Variants in HOMER3 observed in about 807,000 individuals in gnomAD.
The protein encoded by HOMER3 is homer scaffold protein 3, also known as homer protein homolog 3.
In HOMER3, 34 loss-of-function variants were observed where a neutral mutation model predicts 45.5. The ratio of observed to expected loss-of-function variants is 0.75; its 90% confidence interval spans 0.57 to 1.00. HOMER3 has a LOEUF of 1.00. HOMER3 is among the 50% of genes least tolerant of loss of function. The pLI, the probability that HOMER3 is intolerant of heterozygous loss-of-function variation, is 0.00. For synonymous variants in HOMER3, 223 were observed against 208.8 expected (o/e 1.07, Z -0.58); for missense variants, 480 against 497.5 (o/e 0.96, Z 0.33).
chr19:18,936,798 G>A (rs1000208428), intron 4 of HOMER3, among the ~76,000 whole-genome samples: 3 of 151,946 alleles, frequency 2.0e-5, no homozygotes, highest in African/African-American at 7.3e-5. Context: ...GACCATCCTG[G>A]CTAACACGGT....
chr19:18,938,857 C>T lies in HOMER3; in HGVS notation c.42G>A (p.Ala14=), dbSNP rs569415353. ...AREQPIFSTR[A]HVFQIDPATK... Reference sequence around the variant, plus strand: ...TGGCTGGGTCAATTTGGAACACGTGCGCCCGTGTGCTGAAGATTGGCTGCT... The same window carrying T: ...TGGCTGGGTCAATTTGGAACACGTGTGCCCGTGTGCTGAAGATTGGCTGCT... Residue 14 remains alanine (A), a synonymous_variant, in exon 3 of 10, where the codon GCG becomes GCA. Transcript: ENST00000392351. 27 of 1,602,534 alleles carry T rather than the reference C, an allele frequency of 1.7e-5. No homozygotes were observed. Among genetic ancestry groups the T allele is most frequent in the Middle Eastern group, 1.7e-4 (1 of 6,046 alleles).
At position 18,932,268 on chromosome 19, in the gene HOMER3, G is replaced by C. The variant is rs1170819581; in HGVS notation, c.534-136C>G. 6 of 892,194 alleles carry C rather than the reference G, an allele frequency of 6.7e-6. No homozygotes were observed. The Admixed American group carries it at 1.1e-4, about 16-fold the overall frequency. The allele number at this position is 892,194 out of a possible 1,614,324, so 55.3% of individuals were successfully genotyped here. ...GGGCGAAGGCTGGCGAGGGTGCGGAGTCGTGCGCGAAGTTGGACTAGGGGG... is the reference window on the plus strand; with the variant it reads ...GGGCGAAGGCTGGCGAGGGTGCGGACTCGTGCGCGAAGTTGGACTAGGGGG... On this transcript the variant is annotated intron_variant, in intron 6 of 9. Coordinates refer to ENST00000392351, the MANE Select transcript of HOMER3 (RefSeq NM_004838.4).
chr19:18,932,061 G>A lies in HOMER3; in HGVS notation c.605C>T (p.Ala202Val). ...TGCGGCGGCGTTGGCCTCTCGCAGG[G>A]CGCCTGCCAGCTTGTTGTTGCTGTC... The part of the protein sequence containing the change: ...LQDSNNKLAG[A>V]LREANAAAAQ... The change falls in exon 7 of 10, where the codon GCC becomes GTC. Residue 202 changes from alanine (A) to valine (V), a missense_variant. By Grantham distance (64) the Ala-to-Val change is moderately conservative. Transcript: ENST00000392351. The A allele has an allele frequency of 1.3e-6, 2 of 1,560,288 alleles. No individual in the cohort carries two copies. The highest frequency in any genetic ancestry group is 1.7e-6 in the Non-Finnish European group (2 of 1,154,284).
At chr19:18,932,886 C>CCCCCCCCCCCCCCCCCCCCCCCCAAAA in intron 6 of HOMER3, 38 bp downstream of exon 6, 1 of 363,766 alleles carries the variant, frequency 2.7e-6, no homozygotes, top group Non-Finnish European at 5.0e-6. Context: ...CCCACCCCTA[C>CCCCCCCCCCCCCCCCCCCCCCCCAAAA]CCCCGCCCCT....
chr19:18,933,043 CACCTAGGCACGGG>C lies in HOMER3; in HGVS notation c.412-11_413del. 6.7e-7 allele frequency: 1 copy of C among 1,489,096 alleles called. No homozygotes were observed. The highest frequency in any genetic ancestry group is 8.9e-7 in the Non-Finnish European group (1 of 1,124,184). The allele number at this position is 1,489,096 out of a possible 1,614,324, so 92.2% of individuals were successfully genotyped here. ...TGGCACTGACGAGAGGGCTCGGGGG[CACCTAGGCACGGG>C]GAAAAGAATAGGTCACGACCCCACA... On this transcript the variant is annotated splice_acceptor_variant and splice_polypyrimidine_tract_variant and coding_sequence_variant and intron_variant, in exon 6 of 10. Transcript: ENST00000392351. LOFTEE classifies it high-confidence loss of function.
At position 18,931,603 on chromosome 19, in the gene HOMER3, GC is replaced by G. The variant is rs2057033281; in HGVS notation, c.712del (p.Ala238GlnfsTer5). The G allele has an allele frequency of 6.2e-7, 1 of 1,611,348 alleles. No individual in the cohort carries two copies. The highest frequency in any genetic ancestry group is 8.5e-7 in the Non-Finnish European group (1 of 1,179,200). ...ACCGGTGGGGGTCACCTCTGAAGCT[GC>G]CTGAGCCTCCAGCTCAGCCACCTGT... ...RQRVAELEAQ[A>X]ASEVTPTGEK... On this transcript the variant is annotated frameshift_variant, in exon 8 of 10. Coordinates refer to ENST00000392351, the MANE Select transcript of HOMER3 (RefSeq NM_004838.4). LOFTEE classifies it high-confidence loss of function.
intron 6 of HOMER3, 127 bp from the exon 7 acceptor site, chr19:18,932,259 G>A (rs12982905): frequency 2.0e-6 from 2 of 1,022,254 alleles, no homozygotes; most frequent in South Asian, 1.8e-5. Context: ...AGGCTGGCGA[G>A]GGTGCGGAGT....
At chr19:18,936,417 A>G (rs2057093849) in intron 4 of HOMER3, among the ~76,000 whole-genome samples, 1 of 151,264 alleles carries the variant, frequency 6.6e-6, no homozygotes, top group African/African-American at 2.4e-5. Flanking sequence ...CAGGCGGATT[A>G]CCTGAAGTCA....
rs2057001017 is a variant in HOMER3, at chr19:18,929,263, G to A, written c.*180C>T. On this transcript the variant is annotated 3_prime_UTR_variant, in exon 10 of 10. Transcript: ENST00000392351. ...CTACACAATGAGAAGCTCAAAAACA[G>A]CCCCAAAGCTGCCAACAACCAGAGC... 2 of 772,286 alleles carry A rather than the reference G, an allele frequency of 2.6e-6. No homozygotes were observed. Among genetic ancestry groups the A allele is most frequent in the Admixed American group, 3.4e-5 (2 of 59,006 alleles). 47.8% of individuals were successfully genotyped at this position (772,286 alleles called of 1,614,324 possible). A position where few individuals can be genotyped will look rare whatever the true frequency, so the allele number is the denominator to read the frequency against.
intron 9 of HOMER3, 165 bp downstream of exon 9, chr19:18,931,160 T>C (rs55703692): frequency 3.3e-6 from 2 of 610,368 alleles, no homozygotes; most frequent in East Asian, 2.7e-5. Context: ...TAGATGGATA[T>C]GAAACTGTAC....
chr19:18,933,122 C>T (rs1402771232), intron 5 of HOMER3, 77 bp from the exon 6 acceptor site: 2 of 1,397,782 alleles, frequency 1.4e-6, no homozygotes, highest in Non-Finnish European at 1.9e-6. Context: ...GTCGTCACAT[C>T]GGGGGTGCAA....
rs2145121203 is a variant in HOMER3, at chr19:18,932,057, C to A, written c.609G>T (p.Leu203=). 1.3e-6 allele frequency: 2 copies of A among 1,559,080 alleles called. No individual in the cohort carries two copies. Among genetic ancestry groups the A allele is most frequent in the East Asian group, 4.8e-5 (2 of 41,266 alleles). The change falls in exon 7 of 10, where the codon CTG becomes CTT. Residue 203 remains leucine (L), a synonymous_variant. Transcript: ENST00000392351. The stretch of plus-strand genomic sequence containing the variant: ...GGGCTGCGGCGGCGTTGGCCTCTCG[C>A]AGGGCGCCTGCCAGCTTGTTGTTGC... ...QDSNNKLAGA[L]REANAAAAQW...
intron 4 of HOMER3, 83 bp downstream of exon 4, chr19:18,938,269 TG>T: frequency 1.4e-6 from 2 of 1,466,184 alleles, no homozygotes; most frequent in Non-Finnish European, 1.9e-6. Context: ...ATAGGGGACC[TG>T]CCCAAGATCC....
chr19:18,940,466 T>C (rs1041196203), intron 1 of HOMER3: 1 of 152,224 alleles, frequency 6.6e-6, no homozygotes, highest in Admixed American at 6.5e-5. Flanking sequence ...GGGTTAATAT[T>C]AATTCAGGAT....
intron 7 of HOMER3, 62 bp downstream of exon 7, chr19:18,931,914 G>T: frequency 2.1e-6 from 3 of 1,459,624 alleles, no homozygotes; most frequent in Non-Finnish European, 1.8e-6. Context: ...GAACTGCCGA[G>T]GCGCGGTCTC....
intron 4 of HOMER3, among the ~76,000 whole-genome samples, chr19:18,934,976 G>A (rs887133538): frequency 1.3e-4 from 19 of 151,354 alleles, no homozygotes; most frequent in Admixed American, 1.1e-3. Context: ...TGAGTAGCTG[G>A]GATTACAGGC....
At chr19:18,929,664 G>A (rs1187197820) in intron 9 of HOMER3, 30 bp from the exon 10 acceptor site, 3 of 1,468,608 alleles carry the variant, frequency 2.0e-6, no homozygotes, top group East Asian at 2.5e-5. Context: ...AGGGTTGGGG[G>A]CCCCAACAAA....
intron 9 of HOMER3, 68 bp from the exon 10 acceptor site, chr19:18,929,702 G>T: frequency 7.6e-7 from 1 of 1,318,310 alleles, no homozygotes; most frequent in Non-Finnish European, 1.0e-6. Context: ...GGCATCCAGA[G>T]TCTGACCACC....
At chr19:18,934,799 T>C (rs895888278) in intron 4 of HOMER3, among the ~76,000 whole-genome samples, 14 of 151,718 alleles carry the variant, frequency 9.2e-5, no homozygotes, top group Admixed American at 5.9e-4. Flanking sequence ...GTGTGTGCCA[T>C]CATGCCCGGC....
Sources: allele counts gnomAD v4.1 joint callset (sites outside exome capture counted in the v4.1 genomes callset), GRCh38; gene constraint gnomAD v4.1.1; transcripts MANE v1.5; gene names NCBI Gene and HGNC (gene_info 2026-07-23, HGNC 2026-07-21).